The following OPHN1 variants were observed in gnomAD, a reference collection of about 807,000 sequenced individuals.
The protein encoded by OPHN1 is oligophrenin 1, also known as oligophrenin-1.
Under a neutral mutation model 60.7 loss-of-function variants are expected in OPHN1, and 11 were observed. That is an observed-to-expected ratio of 0.18 (90% CI 0.11 to 0.30). The LOEUF (loss-of-function observed/expected upper bound fraction) is 0.30, where lower values mean the gene tolerates loss of function less well. Among genes scored for constraint, OPHN1 ranks in the 10% least tolerant of loss-of-function variants. OPHN1 has a pLI of 1.00. For missense variants in OPHN1, 449 were observed against 611.0 expected, an observed-to-expected ratio of 0.73 and a Z score of 2.80; for synonymous variants, 226 against 222.6, an observed-to-expected ratio of 1.02 and a Z score of -0.14.
chrX:68,082,681 G>C (rs148077166), intron 19 of OPHN1, among the ~76,000 whole-genome samples: 3,865 of 111,905 alleles, frequency 0.035, 181 homozygotes, highest in African/African-American at 0.12. Flanking sequence ...TCCACATATG[G>C]AGCATGGGCA....
intron 15 of OPHN1, chrX:68,133,081 G>C (rs966024343): frequency 5.6e-6 from 3 of 538,016 alleles, no homozygotes; most frequent in Non-Finnish European, 1.0e-5. Context: ...TTACAATTCC[G>C]GAGAAAATTT....
chrX:68,268,638 T>C (rs1474659794), intron 5 of OPHN1, among the ~76,000 whole-genome samples: 1 of 111,571 alleles, frequency 9.0e-6, no homozygotes, highest in Non-Finnish European at 1.9e-5. Context: ...AATATCATAC[T>C]GAATGGGCAA....
At chrX:68,309,491 G>A (rs1004665737) in intron 2 of OPHN1, among the ~76,000 whole-genome samples, 3 of 111,924 alleles carry the variant, frequency 2.7e-5, no homozygotes, top group Admixed American at 9.6e-5. Flanking sequence ...CCATAACAGA[G>A]AGCAGCAGCT....
intron 5 of OPHN1, among the ~76,000 whole-genome samples, chrX:68,270,651 A>G (rs760354969): frequency 9.3e-6 from 1 of 107,209 alleles, no homozygotes; most frequent in Non-Finnish European, 1.9e-5. Flanking sequence ...TGACGAGTTA[A>G]TGGGTGCAGC....
chrX:68,088,171 C>A (rs982829418), intron 19 of OPHN1, among the ~76,000 whole-genome samples: 5 of 111,652 alleles, frequency 4.5e-5, no homozygotes, highest in African/African-American at 1.6e-4. Flanking sequence ...AGAACTGAGA[C>A]TAGAATCCAA....
At chrX:68,422,546 GGGAA>G (rs1237923708) in intron 2 of OPHN1, among the ~76,000 whole-genome samples, 1 of 91,723 alleles carries the variant, frequency 1.1e-5, no homozygotes, top group African/African-American at 4.1e-5. Context: ...AAGGAAGGAA[GGGAA>G]GGAGGGAGGG....
At chrX:68,174,823 C>G (rs944879986) in intron 15 of OPHN1, among the ~76,000 whole-genome samples, 1 of 110,483 alleles carries the variant, frequency 9.1e-6, no homozygotes, top group Non-Finnish European at 1.9e-5. Context: ...GTGGCTCACA[C>G]CTGTAATCCC....
chrX:68,318,859 T>C (rs768168621), intron 2 of OPHN1, among the ~76,000 whole-genome samples: 1 of 111,779 alleles, frequency 8.9e-6, no homozygotes, highest in African/African-American at 3.2e-5. Flanking sequence ...GCTCAGGTAT[T>C]TTGGAGAATG....
intron 19 of OPHN1, among the ~76,000 whole-genome samples, chrX:68,081,763 C>T (rs2076975365): frequency 9.0e-6 from 1 of 111,444 alleles, no homozygotes; most frequent in Non-Finnish European, 1.9e-5. Flanking sequence ...CAGGATGGTG[C>T]TTACTGAAGG....
intron 3 of OPHN1, among the ~76,000 whole-genome samples, chrX:68,284,376 G>A (rs2078031289): frequency 9.1e-6 from 1 of 110,179 alleles, no homozygotes; most frequent in South Asian, 3.9e-4. Flanking sequence ...GAGGTGAGGT[G>A]TGACACACTG....
intron 2 of OPHN1, among the ~76,000 whole-genome samples, chrX:68,396,658 T>C (rs1245821245): frequency 9.3e-6 from 1 of 108,093 alleles, no homozygotes; most frequent in Non-Finnish European, 1.9e-5. Context: ...CTCCTAAAAA[T>C]ACAAAAATTA....
At chrX:68,231,322 A>G (rs755180998) in intron 6 of OPHN1, among the ~76,000 whole-genome samples, 1 of 112,148 alleles carries the variant, frequency 8.9e-6, no homozygotes, top group South Asian at 3.7e-4. Flanking sequence ...AAGGATGTGG[A>G]GCAACCGGAG....
intron 6 of OPHN1, among the ~76,000 whole-genome samples, chrX:68,222,758 T>A (rs1306369966): frequency 1.2e-5 from 1 of 82,564 alleles, no homozygotes; most frequent in African/African-American, 4.8e-5. Context: ...AAGAGGAGTA[T>A]CACACTCTGG....
chrX:68,163,120 T>C (rs1162061185), intron 15 of OPHN1, among the ~76,000 whole-genome samples: 2 of 111,015 alleles, frequency 1.8e-5, no homozygotes, highest in East Asian at 5.6e-4. Context: ...TAAAAAAGAA[T>C]AAAAATTAAG....
At chrX:68,382,536 A>C (rs2147744630) in intron 2 of OPHN1, among the ~76,000 whole-genome samples, 1 of 110,871 alleles carries the variant, frequency 9.0e-6, no homozygotes, top group South Asian at 3.9e-4. Flanking sequence ...TTTAAGTATT[A>C]AATGAGATAA....
intron 19 of OPHN1, among the ~76,000 whole-genome samples, chrX:68,075,984 A>G (rs2076952369): frequency 9.1e-6 from 1 of 110,024 alleles, no homozygotes; most frequent in African/African-American, 3.3e-5. Flanking sequence ...TTGAAAACTC[A>G]TGATTTTCTA....
intron 5 of OPHN1, among the ~76,000 whole-genome samples, chrX:68,251,573 A>G (rs2077835528): frequency 9.0e-6 from 1 of 111,701 alleles, no homozygotes; most frequent in Non-Finnish European, 1.9e-5. Flanking sequence ...GATTCAACCT[A>G]GCTGTTTGAA....
At chrX:68,288,972 A>C (rs1012807197) in intron 3 of OPHN1, among the ~76,000 whole-genome samples, 1 of 110,919 alleles carries the variant, frequency 9.0e-6, no homozygotes, top group Non-Finnish European at 1.9e-5. Flanking sequence ...AAGGCAATAA[A>C]AGCTTTAGTG....
At chrX:68,106,104 A>AAGAGAG (rs35438846) in intron 18 of OPHN1, among the ~76,000 whole-genome samples, 118 of 96,404 alleles carry the variant, frequency 1.2e-3, no homozygotes, top group African/African-American at 4.5e-3. Flanking sequence ...AGAGAGAGAG[A>AAGAGAG]AGAGAGAGAG....
Sources: allele counts gnomAD v4.1 joint callset (sites outside exome capture counted in the v4.1 genomes callset), GRCh38; gene constraint gnomAD v4.1.1; transcripts MANE v1.5; gene names NCBI Gene and HGNC (gene_info 2026-07-23, HGNC 2026-07-21).